CEMIP2: variants seen among roughly 807,000 people sequenced by gnomAD.
The protein encoded by CEMIP2 is cell migration inducing hyaluronidase 2.
CEMIP2 carries 79 observed loss-of-function variants against 146.9 expected under a neutral mutation model. That is an observed-to-expected ratio of 0.54 (90% CI 0.45 to 0.65). CEMIP2 has a LOEUF of 0.65. Among genes scored for constraint, CEMIP2 ranks in the 30% least tolerant of loss-of-function variants. CEMIP2 has a pLI of 0.00. For synonymous variants in CEMIP2, 601 were observed against 606.3 expected (o/e 0.99, Z 0.13); for missense variants, 1,596 against 1,696.2 (o/e 0.94, Z 1.04).
At chr9:71,709,503 C>T (rs753837600) in intron 16 of CEMIP2, 29 bp from the exon 17 acceptor site, 3 of 1,590,626 alleles carry the variant, frequency 1.9e-6, no homozygotes, top group Non-Finnish European at 1.7e-6. Flanking sequence ...AAAGACATCA[C>T]AAAGTGAGGG....
Position 71,684,986 on chromosome 9 carries a change from C to G in CEMIP2, c.*211G>C. The G allele has an allele frequency of 2.0e-6, 1 of 490,658 alleles. No individual in the cohort carries two copies. The highest frequency in any genetic ancestry group is 3.6e-6 in the Non-Finnish European group (1 of 280,418). The allele number at this position is 490,658 out of a possible 1,614,324, so 30.4% of individuals were successfully genotyped here. A position where few individuals can be genotyped will look rare whatever the true frequency, so the allele number is the denominator to read the frequency against. On this transcript the variant is annotated 3_prime_UTR_variant, in exon 24 of 24. Coordinates refer to ENST00000377044, the MANE Select transcript of CEMIP2 (RefSeq NM_013390.3). ...CTGCTCTCTGAATACACCAGCCTTACAAATACAAACAACGTCTTTAACATT... is the reference window on the plus strand; with the variant it reads ...CTGCTCTCTGAATACACCAGCCTTAGAAATACAAACAACGTCTTTAACATT...
intron 10 of CEMIP2, 81 bp downstream of exon 10, chr9:71,729,764 T>G: frequency 7.2e-7 from 1 of 1,389,708 alleles, no homozygotes; most frequent in South Asian, 1.2e-5. Context: ...CTGGCACACA[T>G]GACATTAAAT....
chr9:71,695,188 G>A (rs1822358294), intron 20 of CEMIP2, among the ~76,000 whole-genome samples: 1 of 152,046 alleles, frequency 6.6e-6, no homozygotes, highest in Non-Finnish European at 1.5e-5. Context: ...TTGCCACTCT[G>A]CCTTTGCTGA....
In CEMIP2 at chr9:71,712,203, G is replaced by A. The variant is rs991032360; in HGVS notation, c.2649C>T (p.Ser883=). The A allele has an allele frequency of 7.4e-6, 12 of 1,614,022 alleles. No individual in the cohort carries two copies. The African/African-American group carries it at 9.3e-5, about 13-fold the overall frequency. Residue 883 remains serine (S), a synonymous_variant, in exon 16 of 24, where the codon AGC becomes AGT. Coordinates refer to ENST00000377044, the MANE Select transcript of CEMIP2 (RefSeq NM_013390.3). ...GAGTTGGCACATATTTTTTGAAAGT[G>A]CTCCTTGTGAGATGAATGGGCCCAT... ...IYDGPIHLTR[S]TFKKYVPTPD... is the part of the protein sequence containing the mutation.
chr9:71,716,139 A>T (rs1283710010), intron 14 of CEMIP2, among the ~76,000 whole-genome samples: 1 of 152,146 alleles, frequency 6.6e-6, no homozygotes, highest in Non-Finnish European at 1.5e-5. Flanking sequence ...TTTAGTTCTT[A>T]AAGAACTAAA....
intron 12 of CEMIP2, among the ~76,000 whole-genome samples, chr9:71,721,135 A>T (rs1033010566): frequency 6.6e-6 from 1 of 152,052 alleles, no homozygotes; most frequent in Non-Finnish European, 1.5e-5. Context: ...AAGAGAACCA[A>T]TTGTGTTTAT....
chr9:71,768,511 A>C lies in CEMIP2; in HGVS notation c.-167T>G, dbSNP rs1038839336. The stretch of plus-strand genomic sequence containing the variant: ...CGCCCGCAGCTGCCGCTCGTACTCA[A>C]CTGGCAGCCGCAGCCTCTGCCTGGA... On this transcript the variant is annotated 5_prime_UTR_variant, in exon 1 of 24. Coordinates refer to ENST00000377044, the MANE Select transcript of CEMIP2 (RefSeq NM_013390.3). The C allele has an allele frequency of 1.2e-4, 19 of 152,282 alleles. 1 individual carries two copies. Among genetic ancestry groups the C allele is most frequent in the Admixed American group, 7.2e-4 (11 of 15,290 alleles). The allele number at this position is 152,282 out of a possible 1,614,324, so 9.4% of individuals were successfully genotyped here.
At chr9:71,755,479 T>A (rs995014973) in intron 1 of CEMIP2, among the ~76,000 whole-genome samples, 1 of 151,966 alleles carries the variant, frequency 6.6e-6, no homozygotes, top group African/African-American at 2.4e-5. Flanking sequence ...GACCAGTAGT[T>A]CAAGGTTGCA....
At position 71,694,517 on chromosome 9, in the gene CEMIP2, C is replaced by G. The variant is rs986985793; in HGVS notation, c.3688G>C (p.Val1230Leu). Residue 1230 changes from valine (V) to leucine (L), a missense_variant, in exon 21 of 24, where the codon GTT (valine) becomes CTT (leucine). By Grantham distance (32) the Val-to-Leu change is conservative. Transcript: ENST00000377044. Reference protein sequence around the residue: ...KAETQRGDPSVISVNGTDFTF... With the variant: ...KAETQRGDPSLISVNGTDFTF... ...CACCAGATGGTACTTACAGAAATAA[C>G]AGACGGGTCTCCACGCTGGGTTTCT... The G allele has an allele frequency of 6.2e-7, 1 of 1,613,148 alleles. No individual in the cohort carries two copies. Among genetic ancestry groups the G allele is most frequent in the Non-Finnish European group, 8.5e-7 (1 of 1,179,278 alleles).
At position 71,730,233 on chromosome 9, in the gene CEMIP2, A is replaced by G. The variant is rs752457069; in HGVS notation, c.1794T>C (p.Phe598=). 3 of 1,614,172 alleles carry G rather than the reference A, an allele frequency of 1.9e-6. No individual in the cohort carries two copies. The highest frequency in any genetic ancestry group is 1.7e-5 in the Admixed American group (1 of 60,030). ...AAAAGAAACAATGACCTAGTGTGTC[A>G]AACCCAATGGTGTCTTTTATCTGCA... is the stretch of plus-strand genomic sequence containing the variant. ...NGLLIKDTIG[F]DTLGHCFFLE... Residue 598 remains phenylalanine (F), a synonymous_variant, in exon 9 of 24, where the codon TTT becomes TTC. Transcript: ENST00000377044.
At chr9:71,701,181 C>T (rs1361780128) in intron 18 of CEMIP2, among the ~76,000 whole-genome samples, 1 of 152,186 alleles carries the variant, frequency 6.6e-6, no homozygotes, top group Non-Finnish European at 1.5e-5. Flanking sequence ...TCTCAGCTCA[C>T]TGTGACCTCC....
intron 1 of CEMIP2, among the ~76,000 whole-genome samples, chr9:71,758,810 G>A (rs1382356179): frequency 1.3e-5 from 2 of 152,160 alleles, no homozygotes; most frequent in Non-Finnish European, 2.9e-5. Flanking sequence ...ATATTTGGGG[G>A]TAAAATATTT....
At chr9:71,717,066 G>T (rs1206366164) in intron 13 of CEMIP2, among the ~76,000 whole-genome samples, 1 of 152,108 alleles carries the variant, frequency 6.6e-6, no homozygotes, top group African/African-American at 2.4e-5. Flanking sequence ...CAGCTACTCG[G>T]GAGGCTAAGG....
Position 71,694,593 on chromosome 9 carries a change from A to G in CEMIP2, c.3612T>C (p.Ser1204=). The G allele has an allele frequency of 1.2e-6, 2 of 1,612,536 alleles. No homozygotes were observed. Among genetic ancestry groups the G allele is most frequent in the Non-Finnish European group, 1.7e-6 (2 of 1,178,634 alleles). The change falls in exon 21 of 24, where the codon AGT becomes AGC. Residue 1204 remains serine, a synonymous_variant. Coordinates refer to ENST00000377044, the MANE Select transcript of CEMIP2 (RefSeq NM_013390.3). ...CAGGGAGGTAACTTTTATGAGGATC[A>G]CTAGTAAACACCACCTAGACAGAGA... ...GCGTRQVVFT[S]DPHKSYLPVQ... is the part of the protein sequence containing the mutation.
chr9:71,714,517 C>T (rs1822994172), intron 15 of CEMIP2, among the ~76,000 whole-genome samples: 2 of 152,006 alleles, frequency 1.3e-5, no homozygotes, highest in African/African-American at 4.8e-5. Flanking sequence ...AGGTAATTTC[C>T]TTTTTCCAGT....
intron 1 of CEMIP2, among the ~76,000 whole-genome samples, chr9:71,763,854 C>G (rs544270801): frequency 1.4e-4 from 22 of 152,052 alleles, no homozygotes; most frequent in Non-Finnish European, 2.6e-4. Flanking sequence ...TAATAAAAAC[C>G]CTATGCTTAA....
intron 15 of CEMIP2, 47 bp downstream of exon 15, chr9:71,714,887 T>C: frequency 1.9e-6 from 3 of 1,585,722 alleles, no homozygotes; most frequent in Non-Finnish European, 1.7e-6. Flanking sequence ...GGTTAGGTTT[T>C]CCTTTATTGC....
intron 1 of CEMIP2, among the ~76,000 whole-genome samples, 157 bp from the exon 2 acceptor site, chr9:71,750,542 A>G (rs1198486130): frequency 6.6e-6 from 1 of 151,986 alleles, no homozygotes; most frequent in Admixed American, 6.6e-5. Flanking sequence ...CCCAGGTTCA[A>G]GTGATTCTCC....
chr9:71,745,842 A>G (rs573861757), intron 3 of CEMIP2, among the ~76,000 whole-genome samples: 7 of 152,274 alleles, frequency 4.6e-5, no homozygotes, highest in South Asian at 4.1e-4. Context: ...ACAAATCTGA[A>G]TCTTATTTTT....
Sources: allele counts gnomAD v4.1 joint callset (sites outside exome capture counted in the v4.1 genomes callset), GRCh38; gene constraint gnomAD v4.1.1; transcripts MANE v1.5; gene names NCBI Gene and HGNC (gene_info 2026-07-23, HGNC 2026-07-21).